Variants in RASGRF2 observed in about 807,000 individuals in gnomAD.
The protein encoded by RASGRF2 is Ras protein specific guanine nucleotide releasing factor 2.
Under a neutral mutation model 151.0 loss-of-function variants are expected in RASGRF2, and 76 were observed. The observed-to-expected ratio is 0.50, with a 90% CI of 0.42 to 0.61. The LOEUF is 0.61. Ranked by LOEUF, RASGRF2 falls within the 20% of genes least tolerant of loss-of-function variation. The pLI is 0.00. For synonymous variants in RASGRF2, 504 were observed against 566.5 expected (o/e 0.89, Z 1.57); for missense variants, 1,148 against 1,564.6 (o/e 0.73, Z 4.49).
rs565025007 is a variant in RASGRF2 at position 81,102,137 on chromosome 5, A to G, written c.1756-6859A>G. Among the ~76,000 whole-genome samples the G allele has an allele frequency of 1.1e-4, 16 of 152,360 alleles. No individual in the cohort carries two copies. In the South Asian group the frequency reaches 3.3e-3, roughly 32 times the overall value. ...AAACAAGGGAATTTAAAGCCATAGC[A>G]GAAAGCTTGTAAGCTAAAGACTTAC... On this transcript the variant is annotated intron_variant, in intron 12 of 26. Coordinates refer to ENST00000265080, the MANE Select transcript of RASGRF2 (RefSeq NM_006909.3).
At chr5:81,075,377 C>A (rs942471549) in intron 5 of RASGRF2, among the ~76,000 whole-genome samples, 1 of 152,110 alleles carries the variant, frequency 6.6e-6, no homozygotes, top group Non-Finnish European at 1.5e-5. Context: ...GAGGCAGGGG[C>A]TGGAGGGAAG....
At chr5:80,979,728 G>A (rs528974091) in intron 1 of RASGRF2, among the ~76,000 whole-genome samples, 3 of 152,274 alleles carry the variant, frequency 2.0e-5, no homozygotes, top group African/African-American at 7.2e-5. Context: ...TATAAAGGAT[G>A]TCTATATTGC....
At chr5:81,107,378 A>G (rs934420461) in intron 12 of RASGRF2, among the ~76,000 whole-genome samples, 2 of 152,058 alleles carry the variant, frequency 1.3e-5, no homozygotes, top group Non-Finnish European at 2.9e-5. Flanking sequence ...AATAATAATA[A>G]CAAGATATTG....
Position 81,073,360 on chromosome 5 carries a change from G to A in RASGRF2, c.795G>A (p.Leu265=). The A allele has an allele frequency of 1.2e-6, 2 of 1,614,130 alleles. No individual in the cohort carries two copies. Among genetic ancestry groups the A allele is most frequent in the East Asian group, 4.5e-5 (2 of 44,878 alleles). The change falls in exon 5 of 27, where the codon CTG becomes CTA. Residue 265 remains leucine (L), a synonymous_variant. Transcript: ENST00000265080. ...AGTACGTTCACCAGCTCTACATCCT[G>A]GTCAATGGCTTTCTCCGGCCCCTGC... ...ESEYVHQLYI[L]VNGFLRPLRM... is the part of the protein sequence containing the mutation.
intron 2 of RASGRF2, among the ~76,000 whole-genome samples, chr5:81,043,577 A>G (rs1750745374): frequency 6.6e-6 from 1 of 152,212 alleles, no homozygotes; most frequent in Non-Finnish European, 1.5e-5. Context: ...TTAAACGGGA[A>G]CTAGAAATCT....
chr5:81,052,340 T>A (rs921044711), intron 2 of RASGRF2, among the ~76,000 whole-genome samples: 17 of 152,230 alleles, frequency 1.1e-4, no homozygotes, highest in Admixed American at 2.6e-4. Flanking sequence ...TTTTGCCTGC[T>A]TTTATATTTA....
intron 17 of RASGRF2, among the ~76,000 whole-genome samples, chr5:81,129,049 G>T (rs192240523): frequency 6.6e-6 from 1 of 152,298 alleles, no homozygotes; most frequent in Non-Finnish European, 1.5e-5. Flanking sequence ...TGAGGCAGGA[G>T]AATCACTTGA....
intron 16 of RASGRF2, among the ~76,000 whole-genome samples, chr5:81,125,997 C>T (rs772196500): frequency 2.6e-5 from 4 of 152,236 alleles, no homozygotes; most frequent in Non-Finnish European, 5.9e-5. Context: ...GAAGGTAGAG[C>T]TGTTTTATGC....
At chr5:80,996,505 C>CT (rs56082157) in intron 1 of RASGRF2, among the ~76,000 whole-genome samples, 2,581 of 47,696 alleles carry the variant, frequency 0.054, 423 homozygotes, top group South Asian at 0.091. Flanking sequence ...CTTCTTCTTC[C>CT]TCCTCCTCCT....
Position 81,023,038 on chromosome 5 carries a change from T to C in RASGRF2, c.289-19839T>C, listed in dbSNP as rs562086639. 9.1e-4 allele frequency among the ~76,000 whole-genome samples: 137 copies of C among 150,760 alleles called. 1 individual carries two copies. Among genetic ancestry groups the C allele is most frequent in the African/African-American group, 3.2e-3 (132 of 40,868 alleles). ...CAGCTGTTGAGTCCAGATGCACTTT[T>C]CTTGAGAGAAAAGACAAGAGAAGGA... is the stretch of plus-strand genomic sequence containing the variant. On this transcript the variant is annotated intron_variant, in intron 1 of 26. Coordinates refer to ENST00000265080, the MANE Select transcript of RASGRF2 (RefSeq NM_006909.3).
intron 1 of RASGRF2, among the ~76,000 whole-genome samples, chr5:80,990,599 C>G (rs921701139): frequency 6.6e-6 from 1 of 152,136 alleles, no homozygotes; most frequent in African/African-American, 2.4e-5. Flanking sequence ...GCAGGGCTGT[C>G]GGTCCACACC....
chr5:81,105,196 C>T (rs1032269445), intron 12 of RASGRF2, among the ~76,000 whole-genome samples: 2 of 152,190 alleles, frequency 1.3e-5, no homozygotes, highest in African/African-American at 4.8e-5. Context: ...CATTCTCTGA[C>T]TGTTAGTGCA....
At chr5:81,096,849 A>G (rs1350783729) in intron 12 of RASGRF2, among the ~76,000 whole-genome samples, 7 of 152,176 alleles carry the variant, frequency 4.6e-5, no homozygotes, top group African/African-American at 1.7e-4. Context: ...TATTTCTCCA[A>G]GATGCTATGG....
intron 2 of RASGRF2, among the ~76,000 whole-genome samples, chr5:81,044,842 A>AT (rs374052606): frequency 2.8e-4 from 41 of 148,554 alleles, no homozygotes; most frequent in African/African-American, 5.4e-4. Flanking sequence ...TTCTTGTTCT[A>AT]TTTTTTTTTT....
At chr5:81,094,708 C>T (rs532118191) in intron 11 of RASGRF2, 148 bp from the exon 12 acceptor site, 2 of 814,646 alleles carry the variant, frequency 2.5e-6, no homozygotes, top group African/African-American at 3.5e-5. Flanking sequence ...TAATAAAGCC[C>T]TCTTCATGCC....
intron 1 of RASGRF2, among the ~76,000 whole-genome samples, chr5:81,022,522 C>G (rs1749864803): frequency 6.6e-6 from 1 of 152,206 alleles, no homozygotes; most frequent in Non-Finnish European, 1.5e-5. Flanking sequence ...GGAAGTGGCA[C>G]TGAAGCTCTT....
At chr5:81,072,315 A>G (rs143105437) in intron 4 of RASGRF2, among the ~76,000 whole-genome samples, 3 of 152,370 alleles carry the variant, frequency 2.0e-5, no homozygotes, top group African/African-American at 7.2e-5. Context: ...TAATGCCTGT[A>G]TAAAAACTGA....
intron 1 of RASGRF2, among the ~76,000 whole-genome samples, chr5:80,975,216 G>A (rs116163571): frequency 0.013 from 1,991 of 151,986 alleles, 57 homozygotes; most frequent in African/African-American, 0.046. Context: ...AAGCTTCCCT[G>A]AGTGTCAGAC....
At position 81,105,383 on chromosome 5, in the gene RASGRF2, G is replaced by A. The variant is rs138905771; in HGVS notation, c.1756-3613G>A. Among the ~76,000 whole-genome samples the A allele has an allele frequency of 4.0e-3, 602 of 152,214 alleles. 6 individuals are homozygous for A. The highest frequency in any genetic ancestry group is 0.014 in the African/African-American group (582 of 41,526). On this transcript the variant is annotated intron_variant, in intron 12 of 26. Transcript: ENST00000265080. ...AGATGCTTCTTTATGACCCAGGTCT[G>A]TGACTCTGGCCACCTCCAGCGCCCG...
Sources: allele counts gnomAD v4.1 joint callset (sites outside exome capture counted in the v4.1 genomes callset), GRCh38; gene constraint gnomAD v4.1.1; transcripts MANE v1.5; gene names NCBI Gene and HGNC (gene_info 2026-07-23, HGNC 2026-07-21).